RAP1GAP: variants seen among roughly 807,000 people sequenced by gnomAD.
The protein encoded by RAP1GAP is RAP1 GTPase activating protein, also known as rap1 GTPase-activating protein 1.
Under a neutral mutation model 87.2 loss-of-function variants are expected in RAP1GAP, and 35 were observed. The ratio of observed to expected loss-of-function variants is 0.40; its 90% CI spans 0.31 to 0.53. The LOEUF is 0.53. RAP1GAP is among the 20% of genes least tolerant of loss of function. The pLI is 0.48. For missense variants in RAP1GAP, 734 were observed against 898.9 expected (o/e 0.82, Z 2.35); for synonymous variants, 375 against 363.9 (o/e 1.03, Z -0.35).
intron 3 of RAP1GAP, among the ~76,000 whole-genome samples, chr1:21,620,862 T>A (rs1381106704): frequency 6.6e-6 from 1 of 151,890 alleles, no homozygotes; most frequent in Non-Finnish European, 1.5e-5. Flanking sequence ...ACTCTCTCTC[T>A]CTCTCTCTCC....
chr1:21,637,361 C>G (rs10917028), intron 2 of RAP1GAP, among the ~76,000 whole-genome samples: 1 of 151,040 alleles, frequency 6.6e-6, no homozygotes, highest in Non-Finnish European at 1.5e-5. Flanking sequence ...CACCATGTTG[C>G]CCAAGCTGGT....
intron 2 of RAP1GAP, among the ~76,000 whole-genome samples, chr1:21,646,195 ACTGGTACCAATT>A (rs2096042515): frequency 6.6e-6 from 1 of 152,194 alleles, no homozygotes; most frequent in South Asian, 2.1e-4. Flanking sequence ...TATGGGAGAG[ACTGGTACCAATT>A]CTGTCAAGAG....
At chr1:21,601,445 G>A (rs367649129) in intron 20 of RAP1GAP, among the ~76,000 whole-genome samples, 20 of 152,352 alleles carry the variant, frequency 1.3e-4, no homozygotes, top group African/African-American at 4.6e-4. Flanking sequence ...ACCTGCGGCC[G>A]TGAGGCGGGG....
chr1:21,636,403 TCTTC>T (rs1331049286), intron 2 of RAP1GAP, among the ~76,000 whole-genome samples: 2 of 152,156 alleles, frequency 1.3e-5, no homozygotes, highest in Non-Finnish European at 2.9e-5. Flanking sequence ...CCTTCCCTTC[TCTTC>T]CTTCCTTTCT....
intron 19 of RAP1GAP, among the ~76,000 whole-genome samples, chr1:21,602,296 G>A (rs1458623888): frequency 6.6e-6 from 1 of 152,218 alleles, no homozygotes; most frequent in Non-Finnish European, 1.5e-5. Flanking sequence ...AGGCTCAGAG[G>A]AGGTCAGTGA....
chr1:21,617,246 C>G, intron 7 of RAP1GAP, 60 bp downstream of exon 7: 5 of 1,525,838 alleles, frequency 3.3e-6, no homozygotes, highest in Non-Finnish European at 4.4e-6. Flanking sequence ...AGGCCCACCT[C>G]GAATGGGGCT....
At chr1:21,633,692 G>A (rs1487574495) in intron 2 of RAP1GAP, among the ~76,000 whole-genome samples, 2 of 152,154 alleles carry the variant, frequency 1.3e-5, no homozygotes, top group East Asian at 1.9e-4. Context: ...ATGAATACAG[G>A]GCAGAGAAGA....
rs768044335 is a variant in RAP1GAP, at chr1:21,626,366, G to C, written c.-81C>G. 6.2e-7 allele frequency: 1 copy of C among 1,613,350 alleles called. No homozygotes were observed. Among genetic ancestry groups the C allele is most frequent in the Non-Finnish European group, 8.5e-7 (1 of 1,179,414 alleles). On this transcript the variant is annotated 5_prime_UTR_variant, in exon 3 of 25. Transcript: ENST00000374765. ...TTCACTCGTGACAGGTCTAGTGCCT[G>C]AGGGAAGTGCTGGTTCTGCCCATCG...
Position 21,603,569 on chromosome 1 carries a change from C to T in RAP1GAP, c.1429-656G>A, listed in dbSNP as rs569341242. 1.3e-5 allele frequency: 8 copies of T among 634,126 alleles called. No individual in the cohort carries two copies. Among genetic ancestry groups the T allele is most frequent in the South Asian group, 3.5e-5 (2 of 56,478 alleles). The allele number at this position is 634,126 out of a possible 1,614,324, so 39.3% of individuals were successfully genotyped here. ...GGCTGGGTGTAGGGCCTTTGGGTAC[C>T]GGATCCTGGCAGGGACTGGGCCAGG... On this transcript the variant is annotated intron_variant, in intron 18 of 24. Transcript: ENST00000374765. This position sits in a 1 kb window ranked among gnomAD's most constrained non-coding sequence, Gnocchi z 6.0.
intron 2 of RAP1GAP, among the ~76,000 whole-genome samples, chr1:21,630,058 T>C (rs2093414623): frequency 6.6e-6 from 1 of 152,194 alleles, no homozygotes; most frequent in Admixed American, 6.5e-5. Context: ...GGCTCTGCTC[T>C]ACTTTATTGT....
intron 3 of RAP1GAP, 46 bp downstream of exon 3, chr1:21,626,258 G>T: frequency 6.8e-7 from 1 of 1,479,030 alleles, no homozygotes. Flanking sequence ...ATGTGTCGGA[G>T]GTAGGGGGCA....
Position 21,611,774 on chromosome 1 carries a change from C to G in RAP1GAP, c.655G>C (p.Ala219Pro). 6.2e-7 allele frequency: 1 copy of G among 1,614,078 alleles called. No homozygotes were observed. The highest frequency in any genetic ancestry group is 8.5e-7 in the Non-Finnish European group (1 of 1,179,882). ...AGAAATTCAAGGAACTCCACGAAAG[C>G]GGGACTTTCCTCATTGGTGCTGAAG... ...ELFSTNEESP[A>P]FVEFLEFLGQ... Residue 219 changes from alanine (A) to proline (P), a missense_variant, in exon 12 of 25, where the codon GCT becomes CCT. Ala to Pro is a conservative substitution (Grantham distance 27, BLOSUM62 -1). This residue lies in a region of RAP1GAP where 485 missense variants were observed against 646.2 expected (regional missense o/e 0.75). Coordinates refer to ENST00000374765, the MANE Select transcript of RAP1GAP (RefSeq NM_002885.4).
intron 1 of RAP1GAP, among the ~76,000 whole-genome samples, chr1:21,660,339 C>CCATATATATATATATATA (rs1553503814): frequency 1.3e-4 from 7 of 52,832 alleles, no homozygotes; most frequent in African/African-American, 2.2e-4. Context: ...TCCAACTCAG[C>CCATATATATATATATATA]TATATATATT....
chr1:21,632,594 A>G (rs547538123), intron 2 of RAP1GAP, among the ~76,000 whole-genome samples: 8 of 152,320 alleles, frequency 5.3e-5, no homozygotes, highest in East Asian at 3.9e-4. Context: ...AGAGAGTTCC[A>G]TACTCTGCAA....
At chr1:21,640,062 C>G (rs1460661277) in intron 2 of RAP1GAP, among the ~76,000 whole-genome samples, 1 of 138,810 alleles carries the variant, frequency 7.2e-6, no homozygotes, top group Non-Finnish European at 1.6e-5. Flanking sequence ...CGGCCCCCCT[C>G]CCACCCGCCC....
chr1:21,648,080 G>T (rs767823750), intron 2 of RAP1GAP, among the ~76,000 whole-genome samples: 5 of 152,218 alleles, frequency 3.3e-5, no homozygotes, highest in Non-Finnish European at 7.3e-5. Context: ...GGAAGGGAGG[G>T]CCTAGGGTTA....
intron 1 of RAP1GAP, among the ~76,000 whole-genome samples, chr1:21,656,005 G>A (rs2096844688): frequency 6.6e-6 from 1 of 152,254 alleles, no homozygotes; most frequent in South Asian, 2.1e-4. Context: ...GGCCTCTTGG[G>A]CAGGAGAGGA....
chr1:21,639,355 T>C (rs1440004936), intron 2 of RAP1GAP, among the ~76,000 whole-genome samples: 1 of 152,196 alleles, frequency 6.6e-6, no homozygotes, highest in African/African-American at 2.4e-5. Flanking sequence ...AGGTCACTTG[T>C]CACCTTCTCA....
At chr1:21,655,920 G>A (rs996438065) in intron 1 of RAP1GAP, among the ~76,000 whole-genome samples, 1 of 152,214 alleles carries the variant, frequency 6.6e-6, no homozygotes, top group African/African-American at 2.4e-5. Flanking sequence ...TGGGGCTGGT[G>A]GAGCCAACAC....
Sources: gnomAD v4.1 joint callset for allele counts (sites outside exome capture counted in the v4.1 genomes callset) on GRCh38, gnomAD v4.1.1 for gene constraint, gnomAD v4.1.1 regional missense constraint, Gnocchi (gnomAD v3.1) non-coding constraint, MANE v1.5 for transcripts, NCBI Gene and HGNC (gene_info 2026-07-23, HGNC 2026-07-21) for gene names.